The following FHIT variants were observed in gnomAD, a reference collection of about 807,000 sequenced individuals.
FHIT encodes fragile histidine triad diadenosine triphosphatase.
A neutral mutation model predicts 17.9 loss-of-function variants in FHIT; 19 were observed. The ratio of observed to expected loss-of-function variants is 1.06; its 90% CI spans 0.74 to 1.56. FHIT has a LOEUF of 1.56. FHIT is among the 40% of genes most tolerant of loss of function. The pLI, the probability that FHIT is intolerant of heterozygous loss-of-function variation, is 0.00. For missense variants in FHIT, 248 were observed against 189.2 expected (o/e 1.31, Z -1.82); for synonymous variants, 81 against 69.7 (o/e 1.16, Z -0.81).
At chr3:60,685,316 C>T (rs1203255990) in intron 4 of FHIT, among the ~76,000 whole-genome samples, 1 of 152,178 alleles carries the variant, frequency 6.6e-6, no homozygotes, top group Non-Finnish European at 1.5e-5. Flanking sequence ...AATCCTCAGG[C>T]CCAGCTAAAA....
intron 4 of FHIT, among the ~76,000 whole-genome samples, chr3:60,630,244 G>A (rs967688933): frequency 1.3e-5 from 2 of 152,180 alleles, no homozygotes; most frequent in Non-Finnish European, 2.9e-5. Flanking sequence ...CACAACTAGT[G>A]TGATTCCATC....
chr3:60,982,415 G>A (rs1335622389), intron 3 of FHIT, among the ~76,000 whole-genome samples: 1 of 152,202 alleles, frequency 6.6e-6, no homozygotes, highest in Non-Finnish European at 1.5e-5. Flanking sequence ...ATATCTCACT[G>A]GATTATTAGA....
chr3:59,780,357 A>AT (rs1402147454), intron 8 of FHIT, among the ~76,000 whole-genome samples: 1 of 152,196 alleles, frequency 6.6e-6, no homozygotes, highest in African/African-American at 2.4e-5. Flanking sequence ...ATGTCAGTGG[A>AT]TTACAGTGAA....
intron 3 of FHIT, among the ~76,000 whole-genome samples, chr3:60,842,966 G>C (rs902415150): frequency 6.6e-6 from 1 of 151,906 alleles, no homozygotes; most frequent in Non-Finnish European, 1.5e-5. Context: ...AATCTACCAG[G>C]CATCTTTCTG....
At chr3:60,139,329 C>T (rs1699938792) in intron 5 of FHIT, among the ~76,000 whole-genome samples, 2 of 152,124 alleles carry the variant, frequency 1.3e-5, no homozygotes, top group African/African-American at 4.8e-5. Flanking sequence ...GGGGGCAAAG[C>T]CAAGTATATG....
chr3:60,123,962 CTAAAAATA>C (rs1705374432), intron 5 of FHIT, among the ~76,000 whole-genome samples: 1 of 63,324 alleles, frequency 1.6e-5, no homozygotes, highest in African/African-American at 7.4e-5. Context: ...CAGAAATGCA[CTAAAAATA>C]TATATATATA....
At chr3:60,989,562 A>G (rs190688156) in intron 3 of FHIT, among the ~76,000 whole-genome samples, 3 of 152,316 alleles carry the variant, frequency 2.0e-5, no homozygotes, top group Admixed American at 2.0e-4. Flanking sequence ...CTGCTTATCA[A>G]CGTTGTCAAC....
chr3:61,214,831 T>C (rs1202968961), intron 1 of FHIT, among the ~76,000 whole-genome samples: 1 of 152,230 alleles, frequency 6.6e-6, no homozygotes, highest in African/African-American at 2.4e-5. Context: ...GCTTCATCCC[T>C]GGGATGCAAG....
At chr3:60,674,758 C>A (rs1382246113) in intron 4 of FHIT, among the ~76,000 whole-genome samples, 1 of 152,164 alleles carries the variant, frequency 6.6e-6, no homozygotes, top group Non-Finnish European at 1.5e-5. Flanking sequence ...CTCTGGGCAA[C>A]CACTAGTGTC....
At chr3:61,133,970 C>T (rs1279738730) in intron 2 of FHIT, among the ~76,000 whole-genome samples, 3 of 152,054 alleles carry the variant, frequency 2.0e-5, no homozygotes, top group African/African-American at 7.2e-5. Flanking sequence ...CACCTGTAAT[C>T]CCAGCTACTC....
chr3:59,767,265 G>T (rs141487713), intron 8 of FHIT, among the ~76,000 whole-genome samples: 2 of 152,292 alleles, frequency 1.3e-5, no homozygotes, highest in South Asian at 4.1e-4. Flanking sequence ...TTCGGAGGCT[G>T]AGGCAGGTGG....
intron 5 of FHIT, among the ~76,000 whole-genome samples, chr3:60,169,995 T>C (rs988074687): frequency 6.6e-6 from 1 of 152,204 alleles, no homozygotes; most frequent in East Asian, 1.9e-4. Flanking sequence ...TTTTCGATGA[T>C]CCAGCATTCC....
chr3:60,635,876 T>C (rs1321586146), intron 4 of FHIT, among the ~76,000 whole-genome samples: 1 of 152,162 alleles, frequency 6.6e-6, no homozygotes, highest in African/African-American at 2.4e-5. Flanking sequence ...TATAGTCTCT[T>C]GCATTTTTAA....
intron 3 of FHIT, among the ~76,000 whole-genome samples, chr3:60,841,888 T>C (rs1354703741): frequency 6.6e-6 from 1 of 152,204 alleles, no homozygotes; most frequent in East Asian, 1.9e-4. Flanking sequence ...GATATTTCCA[T>C]ACATGAAGAT....
At chr3:60,926,173 C>T (rs1227317750) in intron 3 of FHIT, among the ~76,000 whole-genome samples, 1 of 152,082 alleles carries the variant, frequency 6.6e-6, no homozygotes, top group African/African-American at 2.4e-5. Context: ...CAAGGATATC[C>T]AGGAATTGAA....
intron 8 of FHIT, among the ~76,000 whole-genome samples, chr3:59,816,992 G>A (rs1405433303): frequency 4.6e-5 from 7 of 152,132 alleles, no homozygotes; most frequent in Non-Finnish European, 5.9e-5. Context: ...CTAAACAAAA[G>A]TGGACCTTTG....
chr3:61,076,628 G>A (rs2034980736), intron 2 of FHIT, among the ~76,000 whole-genome samples: 1 of 152,148 alleles, frequency 6.6e-6, no homozygotes, highest in African/African-American at 2.4e-5. Context: ...TCTTTAATAT[G>A]TCTCTAGCAC....
chr3:60,178,563 A>C (rs1268104976), intron 5 of FHIT, among the ~76,000 whole-genome samples: 1 of 152,018 alleles, frequency 6.6e-6, no homozygotes, highest in Non-Finnish European at 1.5e-5. Flanking sequence ...TCCAGCCTGG[A>C]CGACACAGCA....
chr3:60,352,348 T>A (rs1468392215), intron 5 of FHIT, among the ~76,000 whole-genome samples: 3 of 152,134 alleles, frequency 2.0e-5, no homozygotes, highest in African/African-American at 7.2e-5. Flanking sequence ...AAACTAAGAA[T>A]TGTACAACTC....
Sources: allele counts gnomAD v4.1 joint callset (sites outside exome capture counted in the v4.1 genomes callset), GRCh38; gene constraint gnomAD v4.1.1; transcripts MANE v1.5; gene names NCBI Gene and HGNC (gene_info 2026-07-23, HGNC 2026-07-21).